Variants in EPSTI1 observed in about 807,000 individuals in gnomAD.
EPSTI1 encodes epithelial stromal interaction 1.
EPSTI1 carries 66 observed loss-of-function variants against 49.9 expected under a neutral mutation model. The observed-to-expected ratio is 1.32, with a 90% CI of 1.08 to 1.62. EPSTI1 has a LOEUF of 1.62. EPSTI1 is among the 40% of genes most tolerant of loss of function. The pLI is 0.00. For synonymous variants in EPSTI1, 137 were observed against 130.7 expected (o/e 1.05, Z -0.33); for missense variants, 394 against 365.5 (o/e 1.08, Z -0.64).
chr13:42,923,205 T>C (rs2038068471), intron 7 of EPSTI1, among the ~76,000 whole-genome samples: 1 of 152,168 alleles, frequency 6.6e-6, no homozygotes, highest in Non-Finnish European at 1.5e-5. Context: ...GACCACTGAA[T>C]GATTTGGGGA....
chr13:42,904,818 C>T (rs2037453090), intron 8 of EPSTI1, among the ~76,000 whole-genome samples: 2 of 152,060 alleles, frequency 1.3e-5, no homozygotes, highest in South Asian at 2.1e-4. Flanking sequence ...AAAATATATA[C>T]ATACATTCAT....
chr13:42,985,723 T>C (rs543434739), intron 1 of EPSTI1, among the ~76,000 whole-genome samples: 59 of 152,302 alleles, frequency 3.9e-4, no homozygotes, highest in Non-Finnish European at 7.6e-4. Flanking sequence ...TGTATAAAAT[T>C]GAGCAAGAGA....
chr13:42,943,649 CTATT>C (rs1431283527), intron 6 of EPSTI1, among the ~76,000 whole-genome samples: 1 of 152,132 alleles, frequency 6.6e-6, no homozygotes, highest in Non-Finnish European at 1.5e-5. Context: ...CCAAGTGAAA[CTATT>C]TTGTAAAAAA....
intron 5 of EPSTI1, among the ~76,000 whole-genome samples, chr13:42,962,936 T>C (rs1221650126): frequency 2.0e-5 from 3 of 152,218 alleles, no homozygotes; most frequent in African/African-American, 7.2e-5. Flanking sequence ...GAGGTTGCAA[T>C]ACAATAATTA....
intron 3 of EPSTI1, among the ~76,000 whole-genome samples, chr13:42,968,004 C>T (rs1387192555): frequency 6.6e-6 from 1 of 152,120 alleles, no homozygotes; most frequent in Non-Finnish European, 1.5e-5. Flanking sequence ...TAAGACTGAA[C>T]ATTAATTACT....
chr13:42,915,722 CGAAAT>C (rs2037811891), intron 8 of EPSTI1, among the ~76,000 whole-genome samples: 1 of 151,780 alleles, frequency 6.6e-6, no homozygotes, highest in Non-Finnish European at 1.5e-5. Flanking sequence ...GTAAGTTAAA[CGAAAT>C]AATTTATGTA....
At chr13:42,904,265 A>G (rs1197926127) in intron 8 of EPSTI1, among the ~76,000 whole-genome samples, 1 of 152,234 alleles carries the variant, frequency 6.6e-6, no homozygotes, top group Admixed American at 6.5e-5. Flanking sequence ...CCAATAAGGA[A>G]AAAACAACCA....
At chr13:42,954,214 G>C (rs1292795302) in intron 5 of EPSTI1, among the ~76,000 whole-genome samples, 193 bp from the exon 6 acceptor site, 2 of 152,150 alleles carry the variant, frequency 1.3e-5, no homozygotes, top group Non-Finnish European at 2.9e-5. Context: ...GGAGCTCCAA[G>C]TTCTTTCCAC....
intron 6 of EPSTI1, among the ~76,000 whole-genome samples, chr13:42,949,685 A>G (rs2039037823): frequency 6.6e-6 from 1 of 152,148 alleles, no homozygotes; most frequent in Non-Finnish European, 1.5e-5. Context: ...TAATGTTTAA[A>G]ATGTAGCCAA....
At chr13:42,906,138 G>T (rs149545433) in intron 8 of EPSTI1, among the ~76,000 whole-genome samples, 1 of 152,172 alleles carries the variant, frequency 6.6e-6, no homozygotes, top group Non-Finnish European at 1.5e-5. Context: ...CTGCAGGATG[G>T]CACCAATAGC....
intron 3 of EPSTI1, among the ~76,000 whole-genome samples, chr13:42,968,211 G>A (rs1466562088): frequency 6.6e-6 from 1 of 152,100 alleles, no homozygotes; most frequent in Non-Finnish European, 1.5e-5. Flanking sequence ...TTGCACAAAG[G>A]AGGCACTTGA....
intron 1 of EPSTI1, among the ~76,000 whole-genome samples, chr13:42,989,567 C>CTTTTTTTTTTTTTTTTTTTTTTTTTTTTT: frequency 1.4e-4 from 11 of 79,014 alleles, no homozygotes; most frequent in Non-Finnish European, 2.0e-4. Context: ...CCTCTTTTTT[C>CTTTTTTTTTTTTTTTTTTTTTTTTTTTTT]TTTTTTTTTT....
At chr13:42,970,416 T>G in intron 2 of EPSTI1, 196 bp downstream of exon 2, 1 of 465,748 alleles carries the variant, frequency 2.1e-6, no homozygotes, top group Admixed American at 4.2e-5. Context: ...GTTCTGTTAC[T>G]AACGTAGAGA....
At chr13:42,901,412 T>A (rs138093195) in intron 8 of EPSTI1, among the ~76,000 whole-genome samples, 28 of 152,316 alleles carry the variant, frequency 1.8e-4, no homozygotes, top group Admixed American at 1.5e-3. Flanking sequence ...TCCAAATACA[T>A]TGCTCATCAA....
At chr13:42,893,759 C>A (rs1002210503) in intron 10 of EPSTI1, among the ~76,000 whole-genome samples, 5 of 152,082 alleles carry the variant, frequency 3.3e-5, no homozygotes, top group African/African-American at 1.2e-4. Flanking sequence ...AAATGACAAC[C>A]ATACAGTGTG....
At chr13:42,963,804 G>C (rs1252845114) in intron 4 of EPSTI1, among the ~76,000 whole-genome samples, 4 of 152,118 alleles carry the variant, frequency 2.6e-5, no homozygotes, top group African/African-American at 9.7e-5. Flanking sequence ...TTAAACTATA[G>C]TTAAACATAG....
chr13:42,951,163 A>G (rs1330704730), intron 6 of EPSTI1, among the ~76,000 whole-genome samples: 2 of 148,512 alleles, frequency 1.3e-5, no homozygotes, highest in Non-Finnish European at 3.0e-5. Flanking sequence ...TTTCCAAAAA[A>G]AAGAAAAAAA....
At chr13:42,937,416 A>T (rs1448052690) in intron 6 of EPSTI1, among the ~76,000 whole-genome samples, 1 of 152,226 alleles carries the variant, frequency 6.6e-6, no homozygotes, top group Non-Finnish European at 1.5e-5. Flanking sequence ...TGTGTGTAGC[A>T]TGCAATGCCG....
At chr13:42,962,367 G>A (rs113434816) in intron 5 of EPSTI1, among the ~76,000 whole-genome samples, 5 of 151,926 alleles carry the variant, frequency 3.3e-5, no homozygotes, top group African/African-American at 1.2e-4. Flanking sequence ...AATGGGAAGG[G>A]TCTACAGATC....
Sources: gnomAD v4.1 joint callset for allele counts (sites outside exome capture counted in the v4.1 genomes callset) on GRCh38, gnomAD v4.1.1 for gene constraint, MANE v1.5 for transcripts, NCBI Gene and HGNC (gene_info 2026-07-23, HGNC 2026-07-21) for gene names.